Variants in CADM1 observed in about 807,000 individuals in gnomAD.
CADM1 encodes the protein cell adhesion molecule 1.
Under a neutral mutation model 53.1 loss-of-function variants are expected in CADM1, and 15 were observed. The ratio of observed to expected loss-of-function variants is 0.28; its 90% CI spans 0.19 to 0.44. CADM1 has a LOEUF of 0.44. Ranked by LOEUF, CADM1 falls within the 20% of genes least tolerant of loss-of-function variation. The pLI is 1.00. For synonymous variants in CADM1, 281 were observed against 243.0 expected, an observed-to-expected ratio of 1.16 and a Z score of -1.45; for missense variants, 434 against 611.3, an observed-to-expected ratio of 0.71 and a Z score of 3.06.
At chr11:115,258,295 G>A (rs1005092697) in intron 1 of CADM1, among the ~76,000 whole-genome samples, 2 of 152,124 alleles carry the variant, frequency 1.3e-5, no homozygotes, top group South Asian at 4.1e-4. Flanking sequence ...GTTGTGATTA[G>A]ATGTCATCCC....
rs200690105 is a variant in CADM1, at chr11:115,217,897, C to T, written c.816G>A (p.Lys272=). 7.5e-5 allele frequency: 121 copies of T among 1,612,186 alleles called. No individual in the cohort carries two copies. The highest frequency in any genetic ancestry group is 1.0e-4 in the Non-Finnish European group (121 of 1,178,432). Residue 272 remains lysine (K), a synonymous_variant, in exon 6 of 12, where the codon AAG becomes AAA. Coordinates refer to ENST00000331581, the MANE Select transcript of CADM1 (RefSeq NM_001301043.2). ...ALELTCEAIG[K]PQPVMVTWVR... is the part of the protein sequence containing the mutation. ...CTTTGGCCTTCAGAACTTACTGGGG[C>T]TTCCCGATGGCTTCACATGTTAACT... is the stretch of plus-strand genomic sequence containing the variant.
intron 1 of CADM1, among the ~76,000 whole-genome samples, chr11:115,425,046 G>T (rs1360703256): frequency 6.6e-6 from 1 of 152,140 alleles, no homozygotes; most frequent in Non-Finnish European, 1.5e-5. Context: ...ACTGTGGTTA[G>T]AATTCAATAA....
At chr11:115,178,822 C>T (rs1939170944) in intron 10 of CADM1, 47 bp from the exon 11 acceptor site, 1 of 1,608,842 alleles carries the variant, frequency 6.2e-7, no homozygotes, top group Non-Finnish European at 8.5e-7. Flanking sequence ...TATTACAAGG[C>T]ACCAGAAGCC....
At chr11:115,424,200 T>C (rs1947830470) in intron 1 of CADM1, among the ~76,000 whole-genome samples, 1 of 152,228 alleles carries the variant, frequency 6.6e-6, no homozygotes, top group South Asian at 2.1e-4. Flanking sequence ...CTCCATCTGC[T>C]ACACATAAAC....
At chr11:115,214,082 C>G (rs1429939556) in intron 7 of CADM1, among the ~76,000 whole-genome samples, 1 of 151,964 alleles carries the variant, frequency 6.6e-6, no homozygotes, top group Non-Finnish European at 1.5e-5. Flanking sequence ...TTTAAAAAAG[C>G]TTTTGTTCTG....
rs1942179728 is a variant in CADM1 at position 115,240,265 on chromosome 11, G to A, written c.271+9C>T. The stretch of plus-strand genomic sequence containing the variant: ...GTTGCCATCTACAACTATAGAGATG[G>A]AAACTTACGCCTGAAGTCCCTGAAA... On this transcript the variant is annotated intron_variant, in intron 2 of 11. Coordinates refer to ENST00000331581, the MANE Select transcript of CADM1 (RefSeq NM_001301043.2). 1.2e-6 allele frequency: 2 copies of A among 1,613,248 alleles called. No individual in the cohort carries two copies. Among genetic ancestry groups the A allele is most frequent in the East Asian group, 4.5e-5 (2 of 44,828 alleles).
chr11:115,308,809 CCCTT>C (rs899048092), intron 1 of CADM1, among the ~76,000 whole-genome samples: 22 of 145,204 alleles, frequency 1.5e-4, no homozygotes, highest in East Asian at 8.6e-4. Context: ...CTCCCTCCCT[CCCTT>C]CCTTCCATCC....
chr11:115,265,612 T>C (rs560342967), intron 1 of CADM1, among the ~76,000 whole-genome samples: 1 of 152,338 alleles, frequency 6.6e-6, no homozygotes, highest in South Asian at 2.1e-4. Flanking sequence ...CACCTACCTG[T>C]GTTGTAAACA....
At chr11:115,251,302 T>C (rs1164788493) in intron 1 of CADM1, among the ~76,000 whole-genome samples, 1 of 152,224 alleles carries the variant, frequency 6.6e-6, no homozygotes, top group Admixed American at 6.5e-5. Context: ...TCATTCATTT[T>C]TCCTGCCAAC....
Position 115,504,287 on chromosome 11 carries a change from C to G in CADM1, c.108G>C (p.Ala36=). 6.4e-7 allele frequency: 1 copy of G among 1,569,446 alleles called. No homozygotes were observed. The change falls in exon 1 of 12, where the codon GCG becomes GCC. Residue 36 remains alanine (A), a synonymous_variant. Coordinates refer to ENST00000331581, the MANE Select transcript of CADM1 (RefSeq NM_001301043.2). ...CACACCTACCTGTGGGGATCAGTGC[C>G]GCGGCGGAGAAGAGCAACAGCAGAA... ...LRLLLLLFSA[A]ALIPTGDGQN...
chr11:115,266,733 A>G (rs1459706245), intron 1 of CADM1, among the ~76,000 whole-genome samples: 1 of 152,216 alleles, frequency 6.6e-6, no homozygotes, highest in African/African-American at 2.4e-5. Context: ...CAAGATATCT[A>G]TATTTCTAAA....
intron 3 of CADM1, among the ~76,000 whole-genome samples, chr11:115,234,027 T>C (rs1314030997): frequency 6.6e-6 from 1 of 152,224 alleles, no homozygotes; most frequent in Non-Finnish European, 1.5e-5. Context: ...GTCCAGCAGT[T>C]GTTAAAAGAC....
At chr11:115,327,179 G>A (rs1048084143) in intron 1 of CADM1, among the ~76,000 whole-genome samples, 1 of 152,094 alleles carries the variant, frequency 6.6e-6, no homozygotes, top group Non-Finnish European at 1.5e-5. Context: ...TATCATGTCA[G>A]ATTCTCTACT....
intron 1 of CADM1, among the ~76,000 whole-genome samples, chr11:115,473,364 C>A (rs1412286430): frequency 6.6e-6 from 1 of 152,076 alleles, no homozygotes; most frequent in Admixed American, 6.5e-5. Context: ...GAGGCAAAGG[C>A]GGGAGGTTCA....
chr11:115,174,240 A>C lies in CADM1; in HGVS notation c.*2234T>G. 1.0e-6 allele frequency: 1 copy of C among 985,212 alleles called. No homozygotes were observed. The highest frequency in any genetic ancestry group is 1.2e-6 in the Non-Finnish European group (1 of 829,844). 61.0% of individuals were successfully genotyped at this position (985,212 alleles called of 1,614,324 possible). ...AAAGATGGGAGGTCCCAAAAATGAG[A>C]TGCCAATTCTGTGAGCAATGGTGTG... On this transcript the variant is annotated 3_prime_UTR_variant, in exon 12 of 12. Coordinates refer to ENST00000331581, the MANE Select transcript of CADM1 (RefSeq NM_001301043.2).
intron 9 of CADM1, chr11:115,193,720 C>G (rs539887118): frequency 6.7e-6 from 1 of 149,900 alleles, no homozygotes; most frequent in Non-Finnish European, 1.5e-5. Context: ...TTTTTTTTTT[C>G]CAGAAAATTT....
Position 115,169,944 on chromosome 11 carries a change from A to C in CADM1, c.*6530T>G. On this transcript the variant is annotated 3_prime_UTR_variant, in exon 12 of 12. Coordinates refer to ENST00000331581, the MANE Select transcript of CADM1 (RefSeq NM_001301043.2). ...TAAAGGCCTGCATTAGGCTCTTCCA[A>C]CACCAGCTCTGGAAGACTGAAATAT... 1 of 210,584 alleles carries C rather than the reference A, an allele frequency of 4.7e-6. No individual in the cohort carries two copies. The highest frequency in any genetic ancestry group is 2.3e-5 in the African/African-American group (1 of 43,960). The allele number at this position is 210,584 out of a possible 1,614,324, so 13.0% of individuals were successfully genotyped here. A position where few individuals can be genotyped will look rare whatever the true frequency, so the allele number is the denominator to read the frequency against.
At chr11:115,492,959 A>C (rs2135430865) in intron 1 of CADM1, among the ~76,000 whole-genome samples, 1 of 151,508 alleles carries the variant, frequency 6.6e-6, no homozygotes, top group East Asian at 1.9e-4. Context: ...ACACACACAC[A>C]CACCCTTGTT....
chr11:115,317,123 A>G (rs1378493545), intron 1 of CADM1, among the ~76,000 whole-genome samples: 1 of 152,204 alleles, frequency 6.6e-6, no homozygotes, highest in Non-Finnish European at 1.5e-5. Context: ...TTTAAAAACT[A>G]TAAAGGAGGA....
Sources: gnomAD v4.1 joint callset for allele counts (sites outside exome capture counted in the v4.1 genomes callset) on GRCh38, gnomAD v4.1.1 for gene constraint, MANE v1.5 for transcripts, NCBI Gene and HGNC (gene_info 2026-07-23, HGNC 2026-07-21) for gene names.